RABEP1: variants seen among roughly 807,000 people sequenced by gnomAD.
RABEP1 encodes rabaptin, RAB GTPase binding effector protein 1.
Under a neutral mutation model 123.4 loss-of-function variants are expected in RABEP1, and 51 were observed. That is an observed-to-expected ratio of 0.41 (90% CI 0.33 to 0.52). RABEP1 has a LOEUF of 0.52. Among genes scored for constraint, RABEP1 ranks in the 20% least tolerant of loss-of-function variants. The pLI is 0.16. For missense variants in RABEP1, 888 were observed against 996.3 expected, an observed-to-expected ratio of 0.89 and a Z score of 1.46; for synonymous variants, 347 against 355.2, an observed-to-expected ratio of 0.98 and a Z score of 0.26.
intron 1 of RABEP1, among the ~76,000 whole-genome samples, chr17:5,295,581 T>C (rs1043969369): frequency 3.9e-5 from 6 of 152,160 alleles, no homozygotes; most frequent in Non-Finnish European, 8.8e-5. Context: ...GCTAAATCCC[T>C]GTTCTGTCAA....
At chr17:5,283,276 C>T (rs1316622737) in intron 1 of RABEP1, among the ~76,000 whole-genome samples, 1 of 151,484 alleles carries the variant, frequency 6.6e-6, no homozygotes, top group Non-Finnish European at 1.5e-5. Context: ...GGCCTACTTG[C>T]ACTACTTGAA....
intron 2 of RABEP1, among the ~76,000 whole-genome samples, chr17:5,312,414 C>G (rs557952281): frequency 6.6e-6 from 1 of 152,238 alleles, no homozygotes; most frequent in Admixed American, 6.5e-5. Flanking sequence ...GCCTCCCAAA[C>G]TGCTGGGATT....
At chr17:5,354,836 A>C (rs530586404) in intron 8 of RABEP1, among the ~76,000 whole-genome samples, 45 of 152,344 alleles carry the variant, frequency 3.0e-4, no homozygotes, top group African/African-American at 1.0e-3. Context: ...AAAAGAGATT[A>C]TCTAAAGCGC....
intron 2 of RABEP1, among the ~76,000 whole-genome samples, chr17:5,330,685 GA>G (rs1906444765): frequency 1.3e-5 from 2 of 152,018 alleles, no homozygotes; most frequent in Admixed American, 1.3e-4. Flanking sequence ...CAAAGATGAA[GA>G]ATTTTTTTTT....
At chr17:5,310,400 C>T (rs142359388) in intron 2 of RABEP1, among the ~76,000 whole-genome samples, 134 of 149,676 alleles carry the variant, frequency 9.0e-4, no homozygotes, top group African/African-American at 2.9e-3. Flanking sequence ...CTACAACCTC[C>T]GCCTCCCATA....
chr17:5,376,462 G>C (rs1911002773), intron 13 of RABEP1, among the ~76,000 whole-genome samples: 1 of 152,162 alleles, frequency 6.6e-6, no homozygotes, highest in African/African-American at 2.4e-5. Flanking sequence ...TGTTATTTGA[G>C]AATCTCGTTT....
chr17:5,355,572 A>C (rs1908945301), intron 8 of RABEP1, among the ~76,000 whole-genome samples: 1 of 151,900 alleles, frequency 6.6e-6, no homozygotes, highest in African/African-American at 2.4e-5. Context: ...TTAGAATCAC[A>C]CTCACTTCCC....
In RABEP1 at chr17:5,338,139, G is replaced by A; in HGVS notation, c.648+1G>A. On this transcript the variant is annotated splice_donor_variant, in intron 5 of 17. Coordinates refer to ENST00000537505, the MANE Select transcript of RABEP1 (RefSeq NM_004703.6). LOFTEE classifies it high-confidence loss of function. ...AATTAAAGAGCTGGAGGCCTCAAAG[G>A]TTATGAAACATTGTAATCCATTTGC... 1 of 1,609,938 alleles carries A rather than the reference G, an allele frequency of 6.2e-7. No homozygotes were observed. The highest frequency in any genetic ancestry group is 8.5e-7 in the Non-Finnish European group (1 of 1,178,286).
Sources: allele counts gnomAD v4.1 joint callset (sites outside exome capture counted in the v4.1 genomes callset), GRCh38; gene constraint gnomAD v4.1.1; transcripts MANE v1.5; gene names NCBI Gene and HGNC (gene_info 2026-07-23, HGNC 2026-07-21).